The following CTNND2 variants were observed in gnomAD, a reference collection of about 807,000 sequenced individuals.
CTNND2 encodes the protein catenin delta-2.
Under a neutral mutation model 144.4 loss-of-function variants are expected in CTNND2, and 22 were observed. The ratio of observed to expected loss-of-function variants is 0.15; its 90% confidence interval spans 0.11 to 0.22. CTNND2 has a LOEUF of 0.22. Ranked by LOEUF, CTNND2 falls within the 10% of genes least tolerant of loss-of-function variation. The probability of loss-of-function intolerance (pLI) is 1.00; values close to 1 mark genes in which losing one functional copy is unlikely to be tolerated. For missense variants in CTNND2, 1,353 were observed against 1,618.8 expected (o/e 0.84, Z 2.82); for synonymous variants, 751 against 695.6 (o/e 1.08, Z -1.25).
chr5:11,541,801 T>C (rs1187772766), intron 3 of CTNND2, among the ~76,000 whole-genome samples: 2 of 146,376 alleles, frequency 1.4e-5, no homozygotes, highest in African/African-American at 5.1e-5. Context: ...CTCCTAATCC[T>C]CACGAGTCAG....
At chr5:11,541,971 C>T (rs1278229243) in intron 3 of CTNND2, among the ~76,000 whole-genome samples, 2 of 151,314 alleles carry the variant, frequency 1.3e-5, no homozygotes, top group African/African-American at 2.4e-5. Flanking sequence ...ACTATAATAT[C>T]TAAAGTTTTG....
At chr5:11,588,399 C>A (rs1779014573) in intron 2 of CTNND2, among the ~76,000 whole-genome samples, 1 of 151,734 alleles carries the variant, frequency 6.6e-6, no homozygotes, top group Non-Finnish European at 1.5e-5. Flanking sequence ...CATGGATAAT[C>A]ATAACTTTCA....
intron 3 of CTNND2, among the ~76,000 whole-genome samples, chr5:11,432,591 G>C (rs1488771795): frequency 6.6e-6 from 1 of 152,162 alleles, no homozygotes; most frequent in African/African-American, 2.4e-5. Flanking sequence ...GTGGTGAAGC[G>C]GGAGGGGATG....
At chr5:10,983,843 G>A (rs1012475146) in intron 20 of CTNND2, among the ~76,000 whole-genome samples, 1 of 152,114 alleles carries the variant, frequency 6.6e-6, no homozygotes, top group Non-Finnish European at 1.5e-5. Context: ...ATGGCCATGA[G>A]GCCCTGCAAG....
At chr5:11,832,414 G>C (rs1793956030) in intron 1 of CTNND2, among the ~76,000 whole-genome samples, 1 of 151,998 alleles carries the variant, frequency 6.6e-6, no homozygotes, top group Admixed American at 6.6e-5. Flanking sequence ...CTTGTATCCA[G>C]GAGCTAGGAA....
At chr5:11,301,253 G>A (rs933810178) in intron 9 of CTNND2, among the ~76,000 whole-genome samples, 3 of 152,168 alleles carry the variant, frequency 2.0e-5, no homozygotes, top group Admixed American at 6.5e-5. Context: ...TCCTGACCTC[G>A]TGAGTTGCCC....
intron 2 of CTNND2, among the ~76,000 whole-genome samples, chr5:11,644,963 C>T (rs1056468294): frequency 1.3e-5 from 2 of 151,978 alleles, no homozygotes; most frequent in African/African-American, 2.4e-5. Context: ...TATATACTTT[C>T]ACAGTATTTT....
intron 18 of CTNND2, among the ~76,000 whole-genome samples, chr5:11,015,524 C>A (rs1360515425): frequency 2.0e-5 from 3 of 152,204 alleles, no homozygotes; most frequent in Non-Finnish European, 2.9e-5. Context: ...TTCCTGTCAA[C>A]ACATTCTTTT....
intron 3 of CTNND2, 86 bp downstream of exon 3, chr5:11,564,858 C>T: frequency 1.2e-6 from 1 of 859,346 alleles, no homozygotes; most frequent in Non-Finnish European, 1.9e-6. Context: ...TCCAATTCCA[C>T]CACCGGGTTG....
At chr5:11,713,210 T>A (rs1025866892) in intron 2 of CTNND2, among the ~76,000 whole-genome samples, 5 of 152,332 alleles carry the variant, frequency 3.3e-5, no homozygotes, top group African/African-American at 1.2e-4. Context: ...TTTTTGTTGT[T>A]AATATTACTA....
chr5:11,848,424 T>G (rs1374955597), intron 1 of CTNND2, among the ~76,000 whole-genome samples: 1 of 152,132 alleles, frequency 6.6e-6, no homozygotes, highest in Non-Finnish European at 1.5e-5. Flanking sequence ...AATAACAACA[T>G]TAATATAGTG....
At chr5:11,347,766 T>C (rs1163459141) in intron 8 of CTNND2, among the ~76,000 whole-genome samples, 3 of 152,338 alleles carry the variant, frequency 2.0e-5, no homozygotes, top group Non-Finnish European at 4.4e-5. Context: ...TCTGACTTCC[T>C]AACCATTTCT....
rs561785229 is a variant in CTNND2, at chr5:11,362,893, G to T, written c.1372+1803C>A. Among the ~76,000 whole-genome samples, 2 of 152,298 alleles carry T rather than the reference G, an allele frequency of 1.3e-5. 1 individual carries two copies. Among genetic ancestry groups the T allele is most frequent in the South Asian group, 4.1e-4 (2 of 4,822 alleles). Reference sequence around the variant, plus strand: ...GGTTTTGCCAAGAGTCTCTGTCACGGGCACTCCACTCTGCCCCTGCAGGGC... The same window carrying T: ...GGTTTTGCCAAGAGTCTCTGTCACGTGCACTCCACTCTGCCCCTGCAGGGC... On this transcript the variant is annotated intron_variant, in intron 8 of 21. Coordinates refer to ENST00000304623, the MANE Select transcript of CTNND2 (RefSeq NM_001332.4).
chr5:11,903,865 C>T lies in CTNND2; in HGVS notation c.-12G>A. The stretch of plus-strand genomic sequence containing the variant: ...TTCCTCGCAAACATGCACCCTCCGC[C>T]GGCGACAGCTCCTCAGTCCGGGAAG... On this transcript the variant is annotated 5_prime_UTR_variant, in exon 1 of 22. Coordinates refer to ENST00000304623, the MANE Select transcript of CTNND2 (RefSeq NM_001332.4). This position sits in a 1 kb window ranked among gnomAD's most constrained non-coding sequence, Gnocchi z 5.4. 1.4e-6 allele frequency: 2 copies of T among 1,478,240 alleles called. No individual in the cohort carries two copies. Among genetic ancestry groups the T allele is most frequent in the Non-Finnish European group, 1.8e-6 (2 of 1,120,072 alleles). 91.6% of individuals were successfully genotyped at this position (1,478,240 alleles called of 1,614,324 possible).
chr5:11,372,031 T>C (rs1259513752), intron 7 of CTNND2, among the ~76,000 whole-genome samples: 1 of 152,238 alleles, frequency 6.6e-6, no homozygotes, highest in Non-Finnish European at 1.5e-5. Context: ...CTTTCACTAA[T>C]AACTTGAATA....
intron 7 of CTNND2, among the ~76,000 whole-genome samples, chr5:11,377,365 G>T (rs1758044171): frequency 6.6e-6 from 1 of 151,962 alleles, no homozygotes; most frequent in East Asian, 1.9e-4. Context: ...TCTGTGTTTT[G>T]TCTCTTTTGT....
intron 2 of CTNND2, among the ~76,000 whole-genome samples, chr5:11,706,384 GC>G (rs1157335358): frequency 6.6e-6 from 1 of 152,228 alleles, no homozygotes; most frequent in Middle Eastern, 3.2e-3. Flanking sequence ...TAGGGATGAG[GC>G]CTTCTCAACA....
At chr5:11,176,437 AC>A (rs1482790499) in intron 11 of CTNND2, among the ~76,000 whole-genome samples, 1 of 152,032 alleles carries the variant, frequency 6.6e-6, no homozygotes, top group East Asian at 1.9e-4. Flanking sequence ...TAATATTCAC[AC>A]ACTGTTTCCA....
chr5:11,441,486 C>T (rs1764257374), intron 3 of CTNND2, among the ~76,000 whole-genome samples: 1 of 148,560 alleles, frequency 6.7e-6, no homozygotes, highest in South Asian at 2.1e-4. Flanking sequence ...TCAAGCAATT[C>T]TCCTGCCTCA....
Sources: gnomAD v4.1 joint callset for allele counts (sites outside exome capture counted in the v4.1 genomes callset) on GRCh38, gnomAD v4.1.1 for gene constraint, Gnocchi (gnomAD v3.1) non-coding constraint, MANE v1.5 for transcripts, NCBI Gene and HGNC (gene_info 2026-07-23, HGNC 2026-07-21) for gene names.